The following ARSG variants were observed in gnomAD, a reference collection of about 807,000 sequenced individuals.
ARSG encodes ASG.
ARSG carries 37 observed loss-of-function variants against 50.5 expected under a neutral mutation model. The ratio of observed to expected loss-of-function variants is 0.73; its 90% confidence interval spans 0.56 to 0.96. The LOEUF is 0.96. Ranked by LOEUF, ARSG falls within the 50% of genes least tolerant of loss-of-function variation. ARSG has a pLI of 0.00. For synonymous variants in ARSG, 225 were observed against 254.6 expected, an observed-to-expected ratio of 0.88 and a Z score of 1.11; for missense variants, 629 against 675.3, an observed-to-expected ratio of 0.93 and a Z score of 0.76.
chr17:68,379,707 G>A, intron 8 of ARSG: 1 of 520,382 alleles, frequency 1.9e-6, no homozygotes. Flanking sequence ...GTTTTTGTCA[G>A]TTATGGGCAG....
chr17:68,421,790 TG>T, downstream of ARSG: 1 of 1,614,248 alleles, frequency 6.2e-7, no homozygotes, highest in Non-Finnish European at 8.5e-7. Context: ...TGCTTCGTTT[TG>T]CCCTTCTGAT....
At chr17:68,377,775 A>G (rs985617169) in intron 8 of ARSG, among the ~76,000 whole-genome samples, 2 of 152,230 alleles carry the variant, frequency 1.3e-5, no homozygotes, top group African/African-American at 4.8e-5. Context: ...AGTGTTCAGG[A>G]ACTCTTGGGA....
At chr17:68,287,099 T>C (rs1354325568), upstream of ARSG, among the ~76,000 whole-genome samples, 1 of 152,202 alleles carries the variant, frequency 6.6e-6, no homozygotes, top group Non-Finnish European at 1.5e-5. Context: ...TTCTCCTGCC[T>C]TAGCCTCCCA....
rs376219322 is a variant in ARSG at position 68,376,893 on chromosome 17, T to C, written c.982+6369T>C. On this transcript the variant is annotated intron_variant, in intron 8 of 11. Transcript: ENST00000621439. ...TTTTTTTTTTGAGACAAAGTCTTGCTCTGTCGCCCAGGCTGGAGTGCAGAG... is the reference window on the plus strand; with the variant it reads ...TTTTTTTTTTGAGACAAAGTCTTGCCCTGTCGCCCAGGCTGGAGTGCAGAG... Among the ~76,000 whole-genome samples, 7 of 150,518 alleles carry C rather than the reference T, an allele frequency of 4.7e-5. No homozygotes were observed. The East Asian group carries it at 1.4e-3, about 29-fold the overall frequency.
Position 68,385,172 on chromosome 17 carries a change from G to C in ARSG, c.1091G>C (p.Ser364Thr). The C allele has an allele frequency of 6.2e-7, 1 of 1,613,344 alleles. No individual in the cohort carries two copies. The highest frequency in any genetic ancestry group is 8.5e-7 in the Non-Finnish European group (1 of 1,179,464). ...PVNVTSTALL[S>T]VLDIFPTVVA... ...AATGTCACCAGCACTGCCTTGTTAA[G>C]GTATGAGACCAAAACTACCTTGAGA... Residue 364 changes from serine to threonine, a missense_variant and splice_region_variant, in exon 9 of 12, where the codon AGC (serine) becomes ACC (threonine). By Grantham distance (58) the Ser-to-Thr change is moderately conservative. Transcript: ENST00000621439.
chr17:68,292,980 G>A (rs781918260), intron 1 of ARSG, among the ~76,000 whole-genome samples: 1 of 152,226 alleles, frequency 6.6e-6, no homozygotes, highest in African/African-American at 2.4e-5. Context: ...CTTGTAAAGT[G>A]CGGATCGCAG....
chr17:68,403,420 G>A (rs896260530), intron 11 of ARSG, among the ~76,000 whole-genome samples: 4 of 152,214 alleles, frequency 2.6e-5, no homozygotes, highest in African/African-American at 9.6e-5. Flanking sequence ...AAGAGAGTCT[G>A]GGTAGGGAGC....
downstream of ARSG, chr17:68,427,010 G>A (rs2083238972): frequency 2.6e-6 from 2 of 756,182 alleles, no homozygotes. Context: ...CAGTGAAGGG[G>A]GAAGGGGAGG....
chr17:68,428,484 C>T, the ARSG span: 5 of 211,458 alleles, frequency 2.4e-5, no homozygotes, highest in Admixed American at 5.4e-5. Flanking sequence ...CCACCCGCTT[C>T]GGCCTCCCAA....
At chr17:68,292,670 C>T (rs1555756697) in intron 1 of ARSG, among the ~76,000 whole-genome samples, 1 of 152,076 alleles carries the variant, frequency 6.6e-6, no homozygotes, top group Non-Finnish European at 1.5e-5. Flanking sequence ...CGGGAGGAGT[C>T]GGCGATCTGA....
At chr17:68,432,968 T>TTTTC in the ARSG span, among the ~76,000 whole-genome samples, 1 of 152,250 alleles carries the variant, frequency 6.6e-6, no homozygotes, top group East Asian at 1.9e-4. Context: ...TTTTTTAGGC[T>TTTTC]TTTCTTTCAC....
chr17:68,415,510 A>G (rs887021055), intron 11 of ARSG, among the ~76,000 whole-genome samples: 1 of 152,170 alleles, frequency 6.6e-6, no homozygotes, highest in African/African-American at 2.4e-5. Context: ...GTTGGTTGGA[A>G]TGTTCTGTAT....
intron 2 of ARSG, among the ~76,000 whole-genome samples, chr17:68,317,343 C>T (rs782334674): frequency 2.0e-5 from 3 of 151,970 alleles, no homozygotes; most frequent in African/African-American, 7.3e-5. Context: ...AAACTGAGGC[C>T]GAGAGAGACG....
At chr17:68,392,020 G>A (rs1350586896) in intron 9 of ARSG, among the ~76,000 whole-genome samples, 1 of 152,190 alleles carries the variant, frequency 6.6e-6, no homozygotes, top group Non-Finnish European at 1.5e-5. Context: ...CTTAGAGGGC[G>A]GATATCCCCC....
At chr17:68,402,918 C>T (rs1275049227) in intron 11 of ARSG, among the ~76,000 whole-genome samples, 4 of 152,184 alleles carry the variant, frequency 2.6e-5, no homozygotes, top group Non-Finnish European at 4.4e-5. Context: ...TTAGTAGGAA[C>T]GCTACAATTT....
At chr17:68,332,000 T>C (rs923096175) in intron 2 of ARSG, among the ~76,000 whole-genome samples, 6 of 152,222 alleles carry the variant, frequency 3.9e-5, no homozygotes, top group Non-Finnish European at 5.9e-5. Flanking sequence ...TGCATTGTCA[T>C]TGATAACATC....
At chr17:68,275,997 T>A (rs1245836827) in intron 1 of ARSG, among the ~76,000 whole-genome samples, 1 of 149,650 alleles carries the variant, frequency 6.7e-6, no homozygotes, top group Non-Finnish European at 1.5e-5. Flanking sequence ...AAAAAAAAAA[T>A]TAAGTTATCT....
At chr17:68,274,187 C>T (rs371474411) in intron 1 of ARSG, 92 of 1,117,836 alleles carry the variant, frequency 8.2e-5, no homozygotes, top group South Asian at 7.3e-4. Flanking sequence ...TAAATATGGC[C>T]GAGCGCAGTG....
At chr17:68,417,732 A>ATTTTTTT (rs1228418754) in intron 11 of ARSG, among the ~76,000 whole-genome samples, 1 of 63,188 alleles carries the variant, frequency 1.6e-5, no homozygotes, top group African/African-American at 5.2e-5. Flanking sequence ...AGAGTTGCTG[A>ATTTTTTT]ATTTTTTTTT....
Sources: gnomAD v4.1 joint callset for allele counts (sites outside exome capture counted in the v4.1 genomes callset) on GRCh38, gnomAD v4.1.1 for gene constraint, MANE v1.5 for transcripts, NCBI Gene and HGNC (gene_info 2026-07-23, HGNC 2026-07-21) for gene names.